TAFA2: variants seen among roughly 807,000 people sequenced by gnomAD.
TAFA2 encodes TAFA chemokine like family member 2, also known as chemokine-like protein TAFA-2.
Under a neutral mutation model 18.8 loss-of-function variants are expected in TAFA2, and 7 were observed. The ratio of observed to expected loss-of-function variants is 0.37; its 90% confidence interval spans 0.21 to 0.70. TAFA2 has a LOEUF of 0.70. Ranked by LOEUF, TAFA2 falls within the 30% of genes least tolerant of loss-of-function variation. The pLI is 0.53. For synonymous variants in TAFA2, 60 were observed against 54.2 expected (o/e 1.11, Z -0.47); for missense variants, 122 against 158.1 (o/e 0.77, Z 1.23).
intron 2 of TAFA2, among the ~76,000 whole-genome samples, chr12:61,799,721 C>T (rs967797369): frequency 6.6e-6 from 1 of 152,130 alleles, no homozygotes; most frequent in Non-Finnish European, 1.5e-5. Context: ...ACTCGGGAGG[C>T]TGAGGCAGAA....
intron 1 of TAFA2, among the ~76,000 whole-genome samples, 186 bp downstream of exon 1, chr12:62,191,073 C>T (rs2062619527): frequency 6.6e-6 from 1 of 152,160 alleles, no homozygotes; most frequent in Non-Finnish European, 1.5e-5. Context: ...GCGAGGGAGA[C>T]GCCGGCCGAT....
intron 2 of TAFA2, among the ~76,000 whole-genome samples, chr12:61,799,421 G>A (rs1317107438): frequency 7.9e-5 from 12 of 152,132 alleles, no homozygotes; most frequent in Non-Finnish European, 1.6e-4. Flanking sequence ...GAAAGTTAGA[G>A]CCCTTCCAAA....
At chr12:62,244,893 C>T (rs1555200173) in intron 1 of TAFA2, among the ~76,000 whole-genome samples, 1 of 151,990 alleles carries the variant, frequency 6.6e-6, no homozygotes, top group Non-Finnish European at 1.5e-5. Context: ...GCCTATTTCT[C>T]TTTGTTTATT....
intron 1 of TAFA2, among the ~76,000 whole-genome samples, chr12:62,044,813 T>C (rs1881867153): frequency 1.3e-5 from 2 of 152,086 alleles, no homozygotes; most frequent in African/African-American, 2.4e-5. Context: ...CTCCCAGATA[T>C]AATGGAAAAA....
At chr12:61,997,933 A>G (rs1167354320) in intron 1 of TAFA2, among the ~76,000 whole-genome samples, 2 of 152,198 alleles carry the variant, frequency 1.3e-5, no homozygotes, top group African/African-American at 2.4e-5. Flanking sequence ...TACAATTTAC[A>G]AAGAAAAATG....
intron 1 of TAFA2, among the ~76,000 whole-genome samples, chr12:62,124,896 A>G (rs1194620804): frequency 1.3e-5 from 2 of 152,142 alleles, no homozygotes; most frequent in African/African-American, 2.4e-5. Context: ...TAAAGGGTCA[A>G]TCAAGACTCC....
chr12:61,867,278 C>T, intron 2 of TAFA2, 42 bp downstream of exon 2: 1 of 1,231,146 alleles, frequency 8.1e-7, no homozygotes, highest in South Asian at 1.3e-5. Context: ...TAAGGGTAGT[C>T]ATCATCCACA....
chr12:62,227,544 C>T (rs188428475), intron 1 of TAFA2, among the ~76,000 whole-genome samples: 2 of 152,072 alleles, frequency 1.3e-5, no homozygotes, highest in South Asian at 2.1e-4. Context: ...GGATAGATAC[C>T]GAGCAATATT....
intron 1 of TAFA2, among the ~76,000 whole-genome samples, chr12:61,919,928 T>A (rs1372228607): frequency 1.3e-5 from 2 of 152,142 alleles, no homozygotes; most frequent in African/African-American, 2.4e-5. Flanking sequence ...CTCGTCAGTA[T>A]AATATCTTAA....
chr12:62,074,429 C>G (rs1359265661), intron 1 of TAFA2, among the ~76,000 whole-genome samples: 1 of 152,276 alleles, frequency 6.6e-6, no homozygotes, highest in African/African-American at 2.4e-5. Flanking sequence ...TGGAGAGTGA[C>G]ATGTCTTATG....
chr12:61,744,278 T>C (rs1227086828), intron 4 of TAFA2, among the ~76,000 whole-genome samples: 2 of 152,110 alleles, frequency 1.3e-5, no homozygotes, highest in South Asian at 4.1e-4. Flanking sequence ...TGTAAGATTA[T>C]AAGCACAACA....
At chr12:62,189,604 TG>T (rs1459062777) in intron 1 of TAFA2, among the ~76,000 whole-genome samples, 1 of 152,228 alleles carries the variant, frequency 6.6e-6, no homozygotes, top group Non-Finnish European at 1.5e-5. Flanking sequence ...ATGGAAAGGC[TG>T]GGGTAAGTAC....
At chr12:61,912,915 T>A (rs868204581) in intron 1 of TAFA2, among the ~76,000 whole-genome samples, 2 of 152,182 alleles carry the variant, frequency 1.3e-5, no homozygotes, top group African/African-American at 4.8e-5. Context: ...GCAGCAGCCC[T>A]CTAGGTCTGG....
chr12:61,846,530 A>G (rs185442852), intron 2 of TAFA2, among the ~76,000 whole-genome samples: 89 of 152,282 alleles, frequency 5.8e-4, no homozygotes, highest in Non-Finnish European at 8.8e-4. Flanking sequence ...TTATTTAGGA[A>G]ACTTATACTC....
chr12:62,120,916 C>A (rs1322521982), intron 1 of TAFA2, among the ~76,000 whole-genome samples: 1 of 151,880 alleles, frequency 6.6e-6, no homozygotes, highest in Non-Finnish European at 1.5e-5. Context: ...AGTGCAATGG[C>A]GTGATCTCGG....
intron 1 of TAFA2, among the ~76,000 whole-genome samples, chr12:62,100,332 CT>C (rs889230446): frequency 6.6e-6 from 1 of 152,076 alleles, no homozygotes; most frequent in Non-Finnish European, 1.5e-5. Flanking sequence ...CAGAGGCCTC[CT>C]TGGTTTATTC....
chr12:62,000,338 T>C (rs1880339465), intron 1 of TAFA2, among the ~76,000 whole-genome samples: 1 of 146,154 alleles, frequency 6.8e-6, no homozygotes, highest in Non-Finnish European at 1.5e-5. Flanking sequence ...TTCCAGCACA[T>C]AGTAGTTGGC....
intron 2 of TAFA2, among the ~76,000 whole-genome samples, chr12:61,815,066 A>C (rs1872022727): frequency 6.6e-6 from 1 of 151,532 alleles, no homozygotes; most frequent in Non-Finnish European, 1.5e-5. Flanking sequence ...AGCAATAGAA[A>C]ATACAGAAGA....
rs1465130817 is a variant in TAFA2, at chr12:61,994,781, C to A, written c.-1-127355G>T. Among the ~76,000 whole-genome samples the A allele has an allele frequency of 2.0e-5, 3 of 152,108 alleles. No individual in the cohort carries two copies. The South Asian group carries it at 6.2e-4, about 32-fold the overall frequency. ...CTGTGTATTCACAGCTTTCTTCTTA[C>A]TTGCCTGGAGACTTTTTCTTAGCCT... is the stretch of plus-strand genomic sequence containing the variant. On this transcript the variant is annotated intron_variant, in intron 1 of 4. Transcript: ENST00000416284.
Sources: allele counts gnomAD v4.1 joint callset (sites outside exome capture counted in the v4.1 genomes callset), GRCh38; gene constraint gnomAD v4.1.1; transcripts MANE v1.5; gene names NCBI Gene and HGNC (gene_info 2026-07-23, HGNC 2026-07-21).